Variants in NTAQ1 observed in about 807,000 individuals in gnomAD.
The protein encoded by NTAQ1 is N-terminal glutamine amidase 1.
A neutral mutation model predicts 28.2 loss-of-function variants in NTAQ1; 21 were observed. The observed-to-expected ratio is 0.74, with a 90% CI of 0.53 to 1.07. NTAQ1 has a LOEUF of 1.07. Ranked by LOEUF, NTAQ1 falls within the 50% of genes least tolerant of loss-of-function variation. The probability of loss-of-function intolerance (pLI) is 0.00; values close to 1 mark genes in which losing one functional copy is unlikely to be tolerated. For missense variants in NTAQ1, 264 were observed against 256.6 expected, an observed-to-expected ratio of 1.03 and a Z score of -0.20; for synonymous variants, 105 against 90.0, an observed-to-expected ratio of 1.17 and a Z score of -0.94.
At chr8:123,422,394 G>A (rs1249426187) in intron 1 of NTAQ1, among the ~76,000 whole-genome samples, 1 of 151,600 alleles carries the variant, frequency 6.6e-6, no homozygotes, top group Non-Finnish European at 1.5e-5. Context: ...TCTCACGTCA[G>A]CCTCCCAAGC....
chr8:123,427,247 C>CTTTTTTTTTTTTTTTTTTTTTTTTTTT (rs33920843), intron 1 of NTAQ1, among the ~76,000 whole-genome samples: 2 of 81,594 alleles, frequency 2.5e-5, no homozygotes, highest in Non-Finnish European at 2.2e-5. Flanking sequence ...ATGGTCAAAG[C>CTTTTTTTTTTTTTTTTTTTTTTTTTTT]TTTTTTTTTT....
At chr8:123,452,589 G>A (rs1010804343), downstream of NTAQ1, among the ~76,000 whole-genome samples, 6 of 149,432 alleles carry the variant, frequency 4.0e-5, no homozygotes, top group South Asian at 2.1e-4. Flanking sequence ...AGCAAGACTC[G>A]GTCTCCACAC....
chr8:123,460,183 C>T (rs1815780872), intron 6 of NTAQ1, among the ~76,000 whole-genome samples: 1 of 152,148 alleles, frequency 6.6e-6, no homozygotes, highest in Admixed American at 6.5e-5. Context: ...GAGAGAACCC[C>T]TAATGACAGA....
intron 5 of NTAQ1, chr8:123,438,050 T>C: frequency 1.6e-6 from 1 of 635,502 alleles, no homozygotes; most frequent in Non-Finnish European, 2.8e-6. Context: ...AATGTCACTT[T>C]GGCTATATAA....
At chr8:123,418,075 A>G (rs1360541112) in intron 1 of NTAQ1, among the ~76,000 whole-genome samples, 1 of 152,224 alleles carries the variant, frequency 6.6e-6, no homozygotes, top group Non-Finnish European at 1.5e-5. Flanking sequence ...AGTATGTGGC[A>G]TACTTCTGGG....
downstream of NTAQ1, among the ~76,000 whole-genome samples, chr8:123,473,131 A>G (rs1301689958): frequency 2.6e-5 from 4 of 152,108 alleles, no homozygotes. Flanking sequence ...TGGTGGTTGC[A>G]TGTATTATTA....
Position 123,463,240 on chromosome 8 carries a change from C to T in NTAQ1, c.373-3839C>T, listed in dbSNP as rs550881772. Reference sequence around the variant, plus strand: ...CTGCTTTATGATGATATTATTATCACGTCTAAGAAACTTAACATTGATGCA... The same window carrying T: ...CTGCTTTATGATGATATTATTATCATGTCTAAGAAACTTAACATTGATGCA... On this transcript the variant is annotated intron_variant, in intron 6 of 6. Transcript: ENST00000650311. Among the ~76,000 whole-genome samples the T allele has an allele frequency of 3.4e-4, 52 of 152,298 alleles. 1 individual carries two copies. The highest frequency in any genetic ancestry group is 5.1e-4 in the Non-Finnish European group (35 of 68,028).
downstream of NTAQ1, among the ~76,000 whole-genome samples, chr8:123,473,280 A>C (rs933526902): frequency 2.6e-5 from 4 of 151,058 alleles, no homozygotes; most frequent in Non-Finnish European, 5.9e-5. Context: ...GTATTAATTA[A>C]TTTGTATTCT....
At chr8:123,472,030 C>T (rs149313514), downstream of NTAQ1, among the ~76,000 whole-genome samples, 9 of 152,242 alleles carry the variant, frequency 5.9e-5, no homozygotes, top group Admixed American at 5.9e-4. Context: ...AAATCTGTAC[C>T]TGTTGCTTTG....
At chr8:123,426,402 G>A (rs1336923824) in intron 1 of NTAQ1, among the ~76,000 whole-genome samples, 2 of 152,208 alleles carry the variant, frequency 1.3e-5, no homozygotes, top group South Asian at 2.1e-4. Flanking sequence ...AGGCACAGTG[G>A]CTCATACCTG....
rs1470666020 is a variant in NTAQ1, at chr8:123,416,781, G to C, written c.-69G>C. 5 of 1,441,860 alleles carry C rather than the reference G, an allele frequency of 3.5e-6. No individual in the cohort carries two copies. The African/African-American group carries it at 5.9e-5, about 17-fold the overall frequency. 89.3% of individuals were successfully genotyped at this position (1,441,860 alleles called of 1,614,324 possible). On this transcript the variant is annotated 5_prime_UTR_variant, in exon 1 of 6. Transcript: ENST00000287387. ...CGGGAACCCACGCGGGCCACTACAA[G>C]CCCGCCCTTTCCTACGTCTGGTCCA...
intron 6 of NTAQ1, chr8:123,467,073 T>C (rs76641390): frequency 6.6e-6 from 1 of 151,222 alleles, no homozygotes; most frequent in Admixed American, 6.6e-5. Context: ...TTTTTTTTTT[T>C]CTCAGTCTGT....
At chr8:123,434,578 T>C (rs971408300) in intron 3 of NTAQ1, among the ~76,000 whole-genome samples, 3 of 152,072 alleles carry the variant, frequency 2.0e-5, no homozygotes, top group African/African-American at 7.2e-5. Context: ...TGAGCTGGGA[T>C]TGTGCCACTG....
intron 6 of NTAQ1, among the ~76,000 whole-genome samples, chr8:123,461,336 C>T (rs999260812): frequency 3.3e-5 from 5 of 152,164 alleles, no homozygotes; most frequent in East Asian, 1.9e-4. Flanking sequence ...CCTTGACTCA[C>T]GTCCCCACTC....
At chr8:123,424,305 C>T (rs1233695667) in intron 1 of NTAQ1, among the ~76,000 whole-genome samples, 6 of 151,668 alleles carry the variant, frequency 4.0e-5, no homozygotes, top group Non-Finnish European at 7.4e-5. Flanking sequence ...TGCAGTAGCA[C>T]GATCTCAGCT....
At chr8:123,437,429 G>A in intron 5 of NTAQ1, 95 bp downstream of exon 5, 1 of 1,539,830 alleles carries the variant, frequency 6.5e-7, no homozygotes, top group Non-Finnish European at 8.8e-7. Context: ...GTTGTTCTTT[G>A]AATAAAACTC....
chr8:123,447,752 TA>T (rs1261915059), intron 6 of NTAQ1, among the ~76,000 whole-genome samples: 13 of 152,250 alleles, frequency 8.5e-5, no homozygotes, highest in Non-Finnish European at 1.0e-4. Flanking sequence ...TAATTTCATA[TA>T]AAAATATGTT....
chr8:123,433,224 T>C (rs1208498114), intron 3 of NTAQ1, among the ~76,000 whole-genome samples: 2 of 152,292 alleles, frequency 1.3e-5, no homozygotes, highest in African/African-American at 4.8e-5. Flanking sequence ...ACCCTTTTCC[T>C]TTGCAGTCCC....
chr8:123,449,017 G>A (rs1056322753), downstream of NTAQ1, among the ~76,000 whole-genome samples: 30 of 152,118 alleles, frequency 2.0e-4, no homozygotes, highest in African/African-American at 6.8e-4. Context: ...GATGTGCCAC[G>A]GTGCACCCTT....
Sources: gnomAD v4.1 joint callset for allele counts (sites outside exome capture counted in the v4.1 genomes callset) on GRCh38, gnomAD v4.1.1 for gene constraint, MANE v1.5 for transcripts, NCBI Gene and HGNC (gene_info 2026-07-23, HGNC 2026-07-21) for gene names.